The following FNIP2 variants were observed in gnomAD, a reference collection of about 807,000 sequenced individuals.
The protein encoded by FNIP2 is folliculin-interacting protein 2.
In FNIP2, 32 loss-of-function variants were observed where a neutral mutation model predicts 108.7. The ratio of observed to expected loss-of-function variants is 0.29; its 90% CI spans 0.22 to 0.40. The LOEUF (loss-of-function observed/expected upper bound fraction) is 0.40. Among genes scored for constraint, FNIP2 ranks in the 10% least tolerant of loss-of-function variants. The pLI, the probability that FNIP2 is intolerant of heterozygous loss-of-function variation, is 1.00. For missense variants in FNIP2, 1,202 were observed against 1,381.6 expected (o/e 0.87, Z 2.06); for synonymous variants, 480 against 496.7 (o/e 0.97, Z 0.45).
intron 16 of FNIP2, among the ~76,000 whole-genome samples, chr4:158,901,890 C>T (rs1250381135): frequency 6.6e-6 from 1 of 151,902 alleles, no homozygotes; most frequent in Non-Finnish European, 1.5e-5. Context: ...ATTCACCTAA[C>T]CTTTTTTCAA....
chr4:158,881,115 C>T (rs35189787), intron 14 of FNIP2, among the ~76,000 whole-genome samples: 20,705 of 152,172 alleles, frequency 0.14, 1,593 homozygotes, highest in South Asian at 0.19. Flanking sequence ...ATTAAACTTA[C>T]CAGAATTATA....
chr4:158,833,432 C>G, intron 5 of FNIP2, 96 bp from the exon 6 acceptor site: 1 of 706,510 alleles, frequency 1.4e-6, no homozygotes, highest in Non-Finnish European at 2.5e-6. Context: ...ACTGATCAGT[C>G]GTTGTCTATA....
At chr4:158,887,748 A>AAC (rs1029342266) in intron 14 of FNIP2, among the ~76,000 whole-genome samples, 7 of 151,460 alleles carry the variant, frequency 4.6e-5, no homozygotes, top group Non-Finnish European at 8.8e-5. Context: ...AAAAAAAAAA[A>AAC]AAAAAAAAAC....
At chr4:158,839,016 A>G (rs540569732) in intron 7 of FNIP2, among the ~76,000 whole-genome samples, 36 of 152,336 alleles carry the variant, frequency 2.4e-4, no homozygotes, top group Admixed American at 3.9e-4. Flanking sequence ...GTCACATCCT[A>G]TAAGGGTATA....
chr4:158,769,054 G>A lies in FNIP2; in HGVS notation c.-159G>A, dbSNP rs571450325. 41 of 155,050 alleles carry A rather than the reference G, an allele frequency of 2.6e-4. 1 individual carries two copies. In the South Asian group the frequency reaches 8.2e-3, roughly 31 times the overall value. The allele number at this position is 155,050 out of a possible 1,614,324, so 9.6% of individuals were successfully genotyped here. ...CATATGACCGGCAGCCGGCGGCTCC[G>A]GCGCCGAGCAGAGTTACTCAGTCGC... On this transcript the variant is annotated 5_prime_UTR_variant, in exon 1 of 17. Coordinates refer to ENST00000264433, the MANE Select transcript of FNIP2 (RefSeq NM_020840.3).
chr4:158,781,900 C>CT (rs1200443895), intron 1 of FNIP2, among the ~76,000 whole-genome samples: 12 of 150,850 alleles, frequency 8.0e-5, no homozygotes, highest in Admixed American at 3.3e-4. Flanking sequence ...GTTTTTTTTT[C>CT]TTTTTTTTAA....
chr4:158,848,001 T>C (rs1365457371), intron 7 of FNIP2, among the ~76,000 whole-genome samples: 4 of 152,244 alleles, frequency 2.6e-5, no homozygotes, highest in African/African-American at 7.2e-5. Flanking sequence ...ATCAGGTAGA[T>C]TCGTAAGGTT....
At position 158,905,672 on chromosome 4, in the gene FNIP2, A is replaced by G. The variant is rs2126815498; in HGVS notation, c.*1128A>G. On this transcript the variant is annotated 3_prime_UTR_variant, in exon 17 of 17. Transcript: ENST00000264433. ...CTTACACATTGTATAAAACCGACCAAAATGATTTCCTAAAGTTCATGCAAA... is the reference window on the plus strand; with the variant it reads ...CTTACACATTGTATAAAACCGACCAGAATGATTTCCTAAAGTTCATGCAAA... The G allele has an allele frequency of 6.8e-6, 1 of 148,072 alleles. No homozygotes were observed. The highest frequency in any genetic ancestry group is 2.2e-4 in the South Asian group (1 of 4,560). 9.2% of individuals were successfully genotyped at this position (148,072 alleles called of 1,614,324 possible).
At chr4:158,895,628 G>C in intron 15 of FNIP2, 122 bp from the exon 16 acceptor site, 1 of 635,272 alleles carries the variant, frequency 1.6e-6, no homozygotes, top group South Asian at 1.9e-5. Context: ...TTTTTTAAGT[G>C]TATTTGAAAC....
intron 1 of FNIP2, among the ~76,000 whole-genome samples, chr4:158,770,024 G>A (rs1043373608): frequency 6.6e-6 from 1 of 152,136 alleles, no homozygotes; most frequent in African/African-American, 2.4e-5. Context: ...GCTTTATGTT[G>A]ATTTCTGTCG....
At position 158,895,973 on chromosome 4, in the gene FNIP2, C is replaced by T. The variant is rs34382174; in HGVS notation, c.3266+108C>T. The T allele has an allele frequency of 2.6e-3, 1,977 of 759,396 alleles. 15 individuals carry two copies. The Middle Eastern group carries it at 0.027, about 10-fold the overall frequency. The allele number at this position is 759,396 out of a possible 1,614,324, so 47.0% of individuals were successfully genotyped here. On this transcript the variant is annotated intron_variant, in intron 16 of 16. Coordinates refer to ENST00000264433, the MANE Select transcript of FNIP2 (RefSeq NM_020840.3). ...CCCTAAACCTCAGGCCCTGGTAACC[C>T]ATCAAAGTATGTGGAGTCCATCAGA... is the stretch of plus-strand genomic sequence containing the variant.
chr4:158,829,232 C>A lies in FNIP2; in HGVS notation c.381+7C>A. 6.3e-7 allele frequency: 1 copy of A among 1,598,764 alleles called. No homozygotes were observed. The highest frequency in any genetic ancestry group is 1.3e-5 in the African/African-American group (1 of 74,506). On this transcript the variant is annotated splice_region_variant and intron_variant, in intron 3 of 16. Coordinates refer to ENST00000264433, the MANE Select transcript of FNIP2 (RefSeq NM_020840.3). ...ACAGCTTCCAAAGTACCAGGTACAACCATCCCTTCTGTGGGAATAGCCCCT... is the reference window on the plus strand; with the variant it reads ...ACAGCTTCCAAAGTACCAGGTACAAACATCCCTTCTGTGGGAATAGCCCCT...
intron 16 of FNIP2, among the ~76,000 whole-genome samples, chr4:158,898,130 C>T (rs1409147799): frequency 6.6e-6 from 1 of 152,104 alleles, no homozygotes; most frequent in Non-Finnish European, 1.5e-5. Flanking sequence ...TCAGGTTTGT[C>T]AAAGATCAGA....
At chr4:158,827,880 C>T (rs1033210889) in intron 2 of FNIP2, among the ~76,000 whole-genome samples, 1 of 152,066 alleles carries the variant, frequency 6.6e-6, no homozygotes, top group African/African-American at 2.4e-5. Flanking sequence ...GTATCAAGCA[C>T]ATGACTGCAG....
intron 1 of FNIP2, 132 bp from the exon 2 acceptor site, chr4:158,825,783 AG>A (rs2126562486): frequency 9.2e-7 from 1 of 1,084,874 alleles, no homozygotes; most frequent in South Asian, 1.4e-5. Flanking sequence ...CCCAGTTCTG[AG>A]GGGATCACTA....
rs879090482 is a variant in FNIP2, at chr4:158,826,024, T to A, written c.216T>A (p.Ile72=). 6.2e-7 allele frequency: 1 copy of A among 1,607,462 alleles called. No homozygotes were observed. The highest frequency in any genetic ancestry group is 1.1e-5 in the South Asian group (1 of 90,952). Residue 72 remains isoleucine (I), a synonymous_variant, in exon 2 of 17, where the codon ATT becomes ATA. Coordinates refer to ENST00000264433, the MANE Select transcript of FNIP2 (RefSeq NM_020840.3). ...VLFDSKAVQK[I]EEVTAQKTED... ...TTGACTCTAAAGCTGTTCAAAAGAT[T>A]GAGGAGGTGACAGCTCAGGTATGAA...
intron 14 of FNIP2, among the ~76,000 whole-genome samples, chr4:158,884,805 G>A (rs192130515): frequency 6.6e-6 from 1 of 152,180 alleles, no homozygotes; most frequent in East Asian, 1.9e-4. Context: ...AAGGCAACAG[G>A]AGAGAGAGCA....
chr4:158,795,703 G>A (rs143632534), intron 1 of FNIP2, among the ~76,000 whole-genome samples: 108 of 152,318 alleles, frequency 7.1e-4, no homozygotes, highest in East Asian at 1.9e-3. Context: ...AGCTTCATCT[G>A]TATTTACAGC....
intron 15 of FNIP2, among the ~76,000 whole-genome samples, chr4:158,895,405 T>A (rs1782582733): frequency 6.6e-6 from 1 of 152,224 alleles, no homozygotes. Flanking sequence ...CTATAAAAAT[T>A]ATATCAAGAA....
Sources: allele counts gnomAD v4.1 joint callset (sites outside exome capture counted in the v4.1 genomes callset), GRCh38; gene constraint gnomAD v4.1.1; transcripts MANE v1.5; gene names NCBI Gene and HGNC (gene_info 2026-07-23, HGNC 2026-07-21).